The following ADGRL2 variants were observed in gnomAD, a reference collection of about 807,000 sequenced individuals.
The protein encoded by ADGRL2 is adhesion G protein-coupled receptor L2.
In ADGRL2, 44 loss-of-function variants were observed where a neutral mutation model predicts 157.4. The ratio of observed to expected loss-of-function variants is 0.28; its 90% CI spans 0.22 to 0.36. The LOEUF is 0.36. Among genes scored for constraint, ADGRL2 ranks in the 10% least tolerant of loss-of-function variants. The pLI is 1.00. For missense variants in ADGRL2, 1,510 were observed against 1,768.9 expected (o/e 0.85, Z 2.63); for synonymous variants, 585 against 624.7 (o/e 0.94, Z 0.95).
At chr1:81,868,234 C>T (rs1256293365) in intron 2 of ADGRL2, among the ~76,000 whole-genome samples, 2 of 152,126 alleles carry the variant, frequency 1.3e-5, no homozygotes, top group Non-Finnish European at 1.5e-5. Context: ...ATGGAACTTA[C>T]ACTTGGTTAA....
intron 3 of ADGRL2, among the ~76,000 whole-genome samples, chr1:81,613,039 C>A (rs546636326): frequency 1.3e-5 from 2 of 152,136 alleles, no homozygotes; most frequent in East Asian, 3.9e-4. Flanking sequence ...AGGGAAGAGA[C>A]AAGGAAACAA....
intron 1 of ADGRL2, among the ~76,000 whole-genome samples, chr1:81,713,461 AT>A (rs1396630683): frequency 2.0e-5 from 3 of 152,200 alleles, no homozygotes; most frequent in Admixed American, 6.5e-5. Flanking sequence ...TAACTCTAAT[AT>A]TTACCAACAG....
intron 3 of ADGRL2, among the ~76,000 whole-genome samples, chr1:81,630,364 C>A (rs79316593): frequency 0.13 from 19,028 of 152,110 alleles, 1,641 homozygotes; most frequent in Non-Finnish European, 0.18. Flanking sequence ...ACTTTTTATT[C>A]ATTTAATCAT....
chr1:81,913,567 T>C (rs1269127013), intron 3 of ADGRL2, among the ~76,000 whole-genome samples: 2 of 152,202 alleles, frequency 1.3e-5, no homozygotes, highest in Admixed American at 1.3e-4. Flanking sequence ...CCATGGCTTC[T>C]ATTTTAAGGG....
chr1:81,568,892 C>T (rs2080622868), intron 2 of ADGRL2, among the ~76,000 whole-genome samples: 1 of 152,070 alleles, frequency 6.6e-6, no homozygotes, highest in African/African-American at 2.4e-5. Flanking sequence ...ACTGTTAATA[C>T]ATAGTGTTAT....
intron 2 of ADGRL2, among the ~76,000 whole-genome samples, chr1:81,477,498 T>C (rs1254570396): frequency 6.6e-6 from 1 of 152,200 alleles, no homozygotes; most frequent in Admixed American, 6.5e-5. Flanking sequence ...GAAACAAGTT[T>C]CCTGGCAAAG....
intron 2 of ADGRL2, among the ~76,000 whole-genome samples, chr1:81,843,224 C>T (rs1263818297): frequency 6.6e-6 from 1 of 152,088 alleles, no homozygotes; most frequent in Non-Finnish European, 1.5e-5. Context: ...CCTCGGCCTC[C>T]TGGGTTCAAA....
intron 1 of ADGRL2, among the ~76,000 whole-genome samples, chr1:81,736,824 C>G (rs1300789139): frequency 2.6e-5 from 4 of 151,936 alleles, no homozygotes; most frequent in Non-Finnish European, 5.9e-5. Flanking sequence ...CTTTTATAGC[C>G]CTACAGAGAC....
At chr1:81,445,441 A>G (rs1431377264) in intron 2 of ADGRL2, among the ~76,000 whole-genome samples, 2 of 90,086 alleles carry the variant, frequency 2.2e-5, no homozygotes, top group Non-Finnish European at 5.5e-5. Flanking sequence ...AGATCAGTTA[A>G]AGTTGCTATT....
chr1:81,410,311 A>G (rs559692164), intron 1 of ADGRL2, among the ~76,000 whole-genome samples: 1 of 152,368 alleles, frequency 6.6e-6, no homozygotes, highest in Admixed American at 6.5e-5. Flanking sequence ...CATTGAATTT[A>G]GGTTCTTCTT....
At chr1:81,606,568 C>T (rs963259563) in intron 3 of ADGRL2, among the ~76,000 whole-genome samples, 2 of 151,986 alleles carry the variant, frequency 1.3e-5, no homozygotes, top group African/African-American at 4.8e-5. Flanking sequence ...CTTGTTTTTG[C>T]TTGGTTAAAC....
chr1:81,746,895 C>CAT (rs2085268849), intron 1 of ADGRL2, among the ~76,000 whole-genome samples: 1 of 146,810 alleles, frequency 6.8e-6, no homozygotes, highest in African/African-American at 2.6e-5. Context: ...CACGTATACA[C>CAT]GTATATACAC....
chr1:81,577,467 G>C (rs2080820708), intron 2 of ADGRL2, among the ~76,000 whole-genome samples: 1 of 152,140 alleles, frequency 6.6e-6, no homozygotes, highest in African/African-American at 2.4e-5. Flanking sequence ...TGTCTCGCTA[G>C]TCTCCTTGGT....
chr1:81,633,343 C>T (rs2082050366), intron 3 of ADGRL2, among the ~76,000 whole-genome samples: 1 of 151,978 alleles, frequency 6.6e-6, no homozygotes, highest in Non-Finnish European at 1.5e-5. Context: ...TGCTTGTAAT[C>T]CCAGCACTTT....
intron 3 of ADGRL2, among the ~76,000 whole-genome samples, chr1:81,669,102 T>A (rs1417864145): frequency 2.0e-5 from 3 of 152,110 alleles, no homozygotes; most frequent in African/African-American, 7.2e-5. Flanking sequence ...TAGTTTCAGG[T>A]GGATTTGTTT....
intron 3 of ADGRL2, among the ~76,000 whole-genome samples, chr1:81,615,458 G>C (rs186450343): frequency 6.6e-6 from 1 of 152,188 alleles, no homozygotes; most frequent in Non-Finnish European, 1.5e-5. Flanking sequence ...AACACTCACC[G>C]CGAAGGTCTG....
chr1:81,710,409 A>G (rs1453762309), intron 1 of ADGRL2, among the ~76,000 whole-genome samples: 2 of 152,054 alleles, frequency 1.3e-5, no homozygotes, highest in African/African-American at 4.8e-5. Context: ...ACTTGAGGCC[A>G]GGAGTTCGAG....
chr1:81,371,307 T>C (rs912627705), intron 1 of ADGRL2, among the ~76,000 whole-genome samples: 1 of 152,006 alleles, frequency 6.6e-6, no homozygotes, highest in African/African-American at 2.4e-5. Flanking sequence ...AAATACCAAG[T>C]AAGGTTGAAA....
chr1:81,410,223 CAT>C (rs2076924462), intron 1 of ADGRL2, among the ~76,000 whole-genome samples: 1 of 152,092 alleles, frequency 6.6e-6, no homozygotes, highest in Non-Finnish European at 1.5e-5. Flanking sequence ...TCTTTTTTGT[CAT>C]AGTCATACAA....
Sources: gnomAD v4.1 joint callset for allele counts (sites outside exome capture counted in the v4.1 genomes callset) on GRCh38, gnomAD v4.1.1 for gene constraint, MANE v1.5 for transcripts, NCBI Gene and HGNC (gene_info 2026-07-23, HGNC 2026-07-21) for gene names.